TM9SF3: variants seen among roughly 807,000 people sequenced by gnomAD.
TM9SF3 encodes SM-11044-binding protein.
Under a neutral mutation model 78.6 loss-of-function variants are expected in TM9SF3, and 14 were observed. That is an observed-to-expected ratio of 0.18 (90% CI 0.12 to 0.28). TM9SF3 has a LOEUF of 0.28. TM9SF3 is among the 10% of genes least tolerant of loss of function. The pLI is 1.00. For missense variants in TM9SF3, 496 were observed against 721.9 expected (o/e 0.69, Z 3.59); for synonymous variants, 231 against 241.7 (o/e 0.96, Z 0.41).
intron 9 of TM9SF3, among the ~76,000 whole-genome samples, chr10:96,540,769 C>CT (rs68126103): frequency 0.16 from 8,112 of 51,156 alleles, 1,484 homozygotes; most frequent in African/African-American, 0.27. Context: ...TATTACCTTT[C>CT]TTTTTTTTTT....
At chr10:96,556,561 G>A (rs956864648) in intron 5 of TM9SF3, among the ~76,000 whole-genome samples, 39 of 152,026 alleles carry the variant, frequency 2.6e-4, no homozygotes, top group African/African-American at 9.2e-4. Context: ...TAAGGAAAAC[G>A]ATGCAGTATT....
At chr10:96,558,421 T>A (rs531602756) in intron 5 of TM9SF3, among the ~76,000 whole-genome samples, 1 of 152,054 alleles carries the variant, frequency 6.6e-6, no homozygotes, top group East Asian at 1.9e-4. Context: ...GGCAGGTGGA[T>A]CACTTGAGGT....
intron 1 of TM9SF3, among the ~76,000 whole-genome samples, chr10:96,578,680 C>T (rs1848525185): frequency 6.6e-6 from 1 of 152,184 alleles, no homozygotes; most frequent in Non-Finnish European, 1.5e-5. Context: ...TACTAATCAA[C>T]CAAGTTACTC....
At position 96,534,312 on chromosome 10, in the gene TM9SF3, C is replaced by T. The variant is rs570995691; in HGVS notation, c.1186-1122G>A. Among the ~76,000 whole-genome samples, 5 of 152,278 alleles carry T rather than the reference C, an allele frequency of 3.3e-5. No individual in the cohort carries two copies. The East Asian group carries it at 5.8e-4, about 18-fold the overall frequency. On this transcript the variant is annotated intron_variant, in intron 9 of 14. Coordinates refer to ENST00000371142, the MANE Select transcript of TM9SF3 (RefSeq NM_020123.4). The stretch of plus-strand genomic sequence containing the variant: ...CCATTTTAAACATCAGACTCAGGAA[C>T]TCAATTTATCTGCGTTTCAGTTTAG...
In TM9SF3 at chr10:96,576,796, T is replaced by C; in HGVS notation, c.136A>G (p.Asn46Asp). 6.4e-7 allele frequency: 1 copy of C among 1,561,152 alleles called. No homozygotes were observed. The highest frequency in any genetic ancestry group is 8.6e-7 in the Non-Finnish European group (1 of 1,159,328). The change falls in exon 2 of 15, where the codon AAT (asparagine) becomes GAT (aspartate). Residue 46 changes from asparagine (N) to aspartate (D), a missense_variant. Physicochemically the swap from Asn to Asp is conservative, Grantham distance 23. Transcript: ENST00000371142. ...CGATTATGGTAGGGCCCAACAGTAT[T>C]CATCCATAAGACAACTTCCTCTTTA... ...QDKEEVVLWM[N>D]TVGPYHNRQE...
chr10:96,524,849 C>T (rs577114779), intron 14 of TM9SF3, among the ~76,000 whole-genome samples: 1 of 151,868 alleles, frequency 6.6e-6, no homozygotes, highest in South Asian at 2.1e-4. Flanking sequence ...CCAGTCTAAA[C>T]AGTTTCTCCC....
chr10:96,576,531 C>A (rs1848498508), intron 2 of TM9SF3, 103 bp downstream of exon 2: 3 of 1,096,080 alleles, frequency 2.7e-6, no homozygotes, highest in Non-Finnish European at 3.9e-6. Flanking sequence ...ATAACAGCTC[C>A]ATACAACAAA....
At chr10:96,535,518 A>C (rs1847947743) in intron 9 of TM9SF3, among the ~76,000 whole-genome samples, 1 of 152,234 alleles carries the variant, frequency 6.6e-6, no homozygotes, top group Non-Finnish European at 1.5e-5. Context: ...TGCAAAATAT[A>C]CTAATAAAAT....
chr10:96,566,671 T>C (rs187651615), intron 2 of TM9SF3, among the ~76,000 whole-genome samples: 24 of 152,236 alleles, frequency 1.6e-4, no homozygotes, highest in Admixed American at 9.2e-4. Context: ...AATTTAGGAT[T>C]TTCATGATGG....
At position 96,520,944 on chromosome 10, in the gene TM9SF3, G is replaced by T; in HGVS notation, c.*1319C>A. 2.5e-6 allele frequency: 1 copy of T among 397,206 alleles called. No homozygotes were observed. The allele number at this position is 397,206 out of a possible 1,614,324, so 24.6% of individuals were successfully genotyped here. ...GGTAATTTTGCCTTCTGGACAGAAA[G>T]ATATCTTCAAATTGCAAACACATCT... On this transcript the variant is annotated 3_prime_UTR_variant, in exon 15 of 15. Coordinates refer to ENST00000371142, the MANE Select transcript of TM9SF3 (RefSeq NM_020123.4).
chr10:96,571,398 C>T (rs1440449597), intron 2 of TM9SF3, among the ~76,000 whole-genome samples: 1 of 152,168 alleles, frequency 6.6e-6, no homozygotes, highest in East Asian at 1.9e-4. Flanking sequence ...ACCAGAGGGG[C>T]TCCAGAATCA....
intron 2 of TM9SF3, among the ~76,000 whole-genome samples, chr10:96,572,587 C>T (rs1439732608): frequency 6.7e-6 from 1 of 148,664 alleles, no homozygotes; most frequent in African/African-American, 2.5e-5. Context: ...AGTGCAATGG[C>T]GCAATCTCAG....
At chr10:96,549,126 CTA>C (rs1031449600) in intron 7 of TM9SF3, among the ~76,000 whole-genome samples, 6 of 152,174 alleles carry the variant, frequency 3.9e-5, no homozygotes, top group African/African-American at 1.4e-4. Context: ...TTCTCAAACT[CTA>C]TGCCTTCTCA....
chr10:96,577,561 T>C (rs1848511762), intron 1 of TM9SF3: 6 of 152,176 alleles, frequency 3.9e-5, no homozygotes, highest in Admixed American at 3.9e-4. Context: ...ATTTCTAAGA[T>C]CTCGACAAGT....
intron 9 of TM9SF3, among the ~76,000 whole-genome samples, chr10:96,542,778 T>A (rs1848049624): frequency 6.6e-6 from 1 of 151,760 alleles, no homozygotes; most frequent in South Asian, 2.1e-4. Flanking sequence ...TCACTTACTT[T>A]GGCTTGAAAA....
intron 1 of TM9SF3, among the ~76,000 whole-genome samples, chr10:96,577,240 T>TAAAAA (rs60557473): frequency 7.0e-6 from 1 of 143,672 alleles, no homozygotes. Context: ...GTTAATCAAT[T>TAAAAA]AAAAAAAAAA....
At chr10:96,580,148 C>T (rs952218005) in intron 1 of TM9SF3, among the ~76,000 whole-genome samples, 1 of 152,204 alleles carries the variant, frequency 6.6e-6, no homozygotes, top group African/African-American at 2.4e-5. Context: ...AGGCTACCGG[C>T]ATTCTTCACC....
chr10:96,570,872 G>A (rs1848430516), intron 2 of TM9SF3, among the ~76,000 whole-genome samples: 1 of 152,006 alleles, frequency 6.6e-6, no homozygotes, highest in African/African-American at 2.4e-5. Flanking sequence ...CGGCTTCCCG[G>A]GTAGCTGGGA....
chr10:96,541,324 C>T (rs1157898762), intron 9 of TM9SF3, among the ~76,000 whole-genome samples: 3 of 152,126 alleles, frequency 2.0e-5, no homozygotes, highest in African/African-American at 7.2e-5. Context: ...CTAAATCATT[C>T]TTGGATAAAT....
Sources: gnomAD v4.1 joint callset for allele counts (sites outside exome capture counted in the v4.1 genomes callset) on GRCh38, gnomAD v4.1.1 for gene constraint, MANE v1.5 for transcripts, NCBI Gene and HGNC (gene_info 2026-07-23, HGNC 2026-07-21) for gene names.